The following TASP1 variants were observed in gnomAD, a reference collection of about 807,000 sequenced individuals.
The protein encoded by TASP1 is taspase 1.
TASP1 carries 16 observed loss-of-function variants against 56.6 expected under a neutral mutation model. The ratio of observed to expected loss-of-function variants is 0.28; its 90% CI spans 0.19 to 0.43. The LOEUF is 0.43. TASP1 is among the 20% of genes least tolerant of loss of function. The pLI is 1.00. For synonymous variants in TASP1, 179 were observed against 184.2 expected (o/e 0.97, Z 0.23); for missense variants, 393 against 511.6 (o/e 0.77, Z 2.24).
chr20:13,191,393 G>A, the TASP1 span, among the ~76,000 whole-genome samples: 3 of 152,124 alleles, frequency 2.0e-5, no homozygotes, highest in Non-Finnish European at 4.4e-5. Context: ...ATACACAATA[G>A]AATAGTATTC....
the TASP1 span, chr20:13,270,565 C>A: frequency 1.2e-6 from 2 of 1,613,952 alleles, no homozygotes; most frequent in Admixed American, 3.3e-5. Flanking sequence ...TCCAAAGAAG[C>A]ACCAAGGGAG....
chr20:13,366,711 C>T, the TASP1 span, among the ~76,000 whole-genome samples: 1 of 152,178 alleles, frequency 6.6e-6, no homozygotes, highest in East Asian at 1.9e-4. Context: ...CATTGACTTC[C>T]CTGTACTAAG....
At chr20:13,238,050 C>A in the TASP1 span, 1 of 152,254 alleles carries the variant, frequency 6.6e-6, no homozygotes, top group East Asian at 1.9e-4. Flanking sequence ...TCCTTCAAAG[C>A]TCAATTGTAG....
At chr20:13,116,431 A>T in the TASP1 span, among the ~76,000 whole-genome samples, 1 of 152,178 alleles carries the variant, frequency 6.6e-6, no homozygotes, top group South Asian at 2.1e-4. Context: ...ACAGCTTGCA[A>T]AGTGTTCTGA....
the TASP1 span, chr20:13,299,755 G>C: frequency 3.2e-6 from 1 of 311,256 alleles, no homozygotes; most frequent in South Asian, 9.3e-5. The surrounding 1 kb of genome is among the most constrained non-coding windows in gnomAD (Gnocchi z 5.8). Flanking sequence ...CAGTGGGTGC[G>C]ACTCAATTCA....
the TASP1 span, among the ~76,000 whole-genome samples, chr20:13,251,587 G>A: frequency 3.9e-5 from 6 of 152,314 alleles, no homozygotes; most frequent in South Asian, 8.3e-4. Context: ...GGGGACCAGC[G>A]TGGTATGTGG....
At chr20:13,430,476 A>C (rs1272555655) in intron 12 of TASP1, among the ~76,000 whole-genome samples, 1 of 152,154 alleles carries the variant, frequency 6.6e-6, no homozygotes, top group Admixed American at 6.5e-5. Context: ...TGTTGGGAGG[A>C]AGTCGCAGTT....
the TASP1 span, among the ~76,000 whole-genome samples, chr20:13,334,638 A>G: frequency 6.6e-6 from 1 of 152,178 alleles, no homozygotes; most frequent in Non-Finnish European, 1.5e-5. Flanking sequence ...GAAATTTACT[A>G]TTTTTCTAGA....
At chr20:13,471,973 C>T (rs1427198802) in intron 11 of TASP1, among the ~76,000 whole-genome samples, 1 of 152,102 alleles carries the variant, frequency 6.6e-6, no homozygotes, top group Non-Finnish European at 1.5e-5. Context: ...ACTTTCTTCA[C>T]AGATTTGGAA....
the TASP1 span, chr20:13,169,001 G>A: frequency 6.9e-6 from 1 of 144,780 alleles, no homozygotes. Flanking sequence ...GAGAAGGACA[G>A]AGAGAAATGT....
At chr20:13,322,601 T>C in the TASP1 span, among the ~76,000 whole-genome samples, 1 of 152,238 alleles carries the variant, frequency 6.6e-6, no homozygotes, top group East Asian at 1.9e-4. Flanking sequence ...CAGGATCCCT[T>C]TTCCTGCTCA....
At chr20:13,445,693 C>A (rs1365068879) in intron 11 of TASP1, among the ~76,000 whole-genome samples, 2 of 152,128 alleles carry the variant, frequency 1.3e-5, no homozygotes, top group Non-Finnish European at 2.9e-5. Flanking sequence ...TACTACCCTG[C>A]CAACCCCTAG....
chr20:13,280,014 G>C, the TASP1 span: 1 of 998,380 alleles, frequency 1.0e-6, no homozygotes, highest in Non-Finnish European at 1.4e-6. Context: ...TCTTCTGTGA[G>C]GCAAACCTCA....
intron 8 of TASP1, among the ~76,000 whole-genome samples, chr20:13,550,180 A>G (rs1489943937): frequency 6.6e-6 from 1 of 150,998 alleles, no homozygotes; most frequent in Non-Finnish European, 1.5e-5. Flanking sequence ...ACACACACAC[A>G]CACACAGAGA....
At chr20:13,504,612 T>C (rs967650009) in intron 10 of TASP1, among the ~76,000 whole-genome samples, 1 of 152,092 alleles carries the variant, frequency 6.6e-6, no homozygotes, top group African/African-American at 2.4e-5. Context: ...ATAACTCTGG[T>C]ATAATGGTTA....
At chr20:13,499,259 T>C (rs917265167) in intron 10 of TASP1, among the ~76,000 whole-genome samples, 1 of 151,914 alleles carries the variant, frequency 6.6e-6, no homozygotes, top group Non-Finnish European at 1.5e-5. Flanking sequence ...AGCTAAACAT[T>C]GGGTATATAT....
intron 8 of TASP1, among the ~76,000 whole-genome samples, chr20:13,551,026 A>G (rs1213524221): frequency 6.6e-6 from 1 of 152,176 alleles, no homozygotes; most frequent in Non-Finnish European, 1.5e-5. Flanking sequence ...ATATACTTCA[A>G]AAGAATAGAA....
the TASP1 span, among the ~76,000 whole-genome samples, chr20:13,311,702 C>T: frequency 3.0e-4 from 45 of 152,210 alleles, no homozygotes; most frequent in African/African-American, 8.2e-4. Context: ...ACAAATTCTG[C>T]GTGATCTCAC....
At chr20:13,469,392 C>T (rs2044386392) in intron 11 of TASP1, among the ~76,000 whole-genome samples, 1 of 152,156 alleles carries the variant, frequency 6.6e-6, no homozygotes. Flanking sequence ...AGGGAGAAAA[C>T]CAACTTCCAT....
Sources: gnomAD v4.1 joint callset for allele counts (sites outside exome capture counted in the v4.1 genomes callset) on GRCh38, gnomAD v4.1.1 for gene constraint, Gnocchi (gnomAD v3.1) non-coding constraint, MANE v1.5 for transcripts, NCBI Gene and HGNC (gene_info 2026-07-23, HGNC 2026-07-21) for gene names.